MITF: variants seen among roughly 807,000 people sequenced by gnomAD.
MITF encodes melanocyte inducing transcription factor.
A neutral mutation model predicts 60.5 loss-of-function variants in MITF; 17 were observed. The observed-to-expected ratio is 0.28, with a 90% CI of 0.19 to 0.42. The LOEUF is 0.42. Ranked by LOEUF, MITF falls within the 10% of genes least tolerant of loss-of-function variation. MITF has a pLI of 1.00. For synonymous variants in MITF, 260 were observed against 248.5 expected (o/e 1.05, Z -0.43); for missense variants, 622 against 683.5 (o/e 0.91, Z 1.00).
At chr3:69,842,448 A>G (rs1207287549) in intron 1 of MITF, among the ~76,000 whole-genome samples, 1 of 152,236 alleles carries the variant, frequency 6.6e-6, no homozygotes, top group African/African-American at 2.4e-5. Context: ...AAGTGGCTTC[A>G]GAAGAGTTGC....
intron 6 of MITF, 49 bp from the exon 7 acceptor site, chr3:69,951,763 T>C (rs373251845): frequency 1.4e-6 from 2 of 1,389,754 alleles, no homozygotes; most frequent in African/African-American, 2.8e-5. Context: ...TTACATTTTG[T>C]GCAACTTCAA....
intron 2 of MITF, among the ~76,000 whole-genome samples, chr3:69,895,023 A>G (rs1037270878): frequency 1.3e-5 from 2 of 152,182 alleles, no homozygotes; most frequent in African/African-American, 2.4e-5. Flanking sequence ...TTCTGGGTGT[A>G]GGTCTCCCCA....
At chr3:69,884,481 T>G (rs756420916) in intron 2 of MITF, among the ~76,000 whole-genome samples, 2 of 152,158 alleles carry the variant, frequency 1.3e-5, no homozygotes, top group African/African-American at 2.4e-5. Flanking sequence ...CTTCCCTATG[T>G]GCAGTGAGGA....
chr3:69,899,519 G>A (rs898847732), intron 2 of MITF, among the ~76,000 whole-genome samples: 6 of 152,150 alleles, frequency 3.9e-5, no homozygotes, highest in South Asian at 2.1e-4. Context: ...CAGAGACAGC[G>A]TAAACCTGTT....
chr3:69,754,087 G>A (rs2106778386), intron 1 of MITF, among the ~76,000 whole-genome samples: 2 of 152,258 alleles, frequency 1.3e-5, no homozygotes, highest in South Asian at 4.1e-4. Flanking sequence ...TTGCAGGTGA[G>A]GCCTGATGGG....
chr3:69,868,116 A>T (rs974448694), intron 1 of MITF, among the ~76,000 whole-genome samples: 9 of 152,250 alleles, frequency 5.9e-5, no homozygotes, highest in African/African-American at 1.7e-4. Flanking sequence ...TGTTCAGCAG[A>T]TACCATTTCA....
chr3:69,809,626 AT>A (rs200221440), intron 1 of MITF, among the ~76,000 whole-genome samples: 22,909 of 139,314 alleles, frequency 0.16, 1,812 homozygotes, highest in South Asian at 0.23. Context: ...AACTAAGTAC[AT>A]TTTTTTTTTT....
At chr3:69,959,965 A>C (rs2066499867) in intron 9 of MITF, among the ~76,000 whole-genome samples, 1 of 152,222 alleles carries the variant, frequency 6.6e-6, no homozygotes. Context: ...ATGAGTCAAC[A>C]ACATATATTA....
At chr3:69,757,996 CATGTGTGTGTGT>C (rs1294713146) in intron 1 of MITF, among the ~76,000 whole-genome samples, 2 of 96,448 alleles carry the variant, frequency 2.1e-5, no homozygotes, top group African/African-American at 8.8e-5. Flanking sequence ...TACCCTAGGG[CATGTGTGTGTGT>C]GTGTGTGTGT....
At chr3:69,961,098 C>T (rs1287935455) in intron 9 of MITF, among the ~76,000 whole-genome samples, 2 of 152,152 alleles carry the variant, frequency 1.3e-5, no homozygotes, top group East Asian at 1.9e-4. Context: ...ATAAAAGCAG[C>T]TTGTGGGCCG....
At chr3:69,863,626 G>A (rs2064056953) in intron 1 of MITF, among the ~76,000 whole-genome samples, 3 of 152,214 alleles carry the variant, frequency 2.0e-5, no homozygotes, top group Admixed American at 2.0e-4. Context: ...ATAAATCAGA[G>A]TTTCAGTTCT....
chr3:69,959,229 C>G (rs753638474), intron 8 of MITF, 44 bp from the exon 9 acceptor site: 4 of 1,609,064 alleles, frequency 2.5e-6, no homozygotes, highest in Non-Finnish European at 3.4e-6. Flanking sequence ...TTTCATTGAG[C>G]CTCAAATCCT....
chr3:69,949,306 A>G (rs1011514242), intron 6 of MITF, 138 bp downstream of exon 6: 7 of 656,072 alleles, frequency 1.1e-5, no homozygotes, highest in Admixed American at 1.0e-4. Context: ...TGGTTAAAAC[A>G]TTATGCAATA....
At position 69,929,322 on chromosome 3, in the gene MITF, C is replaced by T. The variant is rs75322650; in HGVS notation, c.355-8500C>T. Reference sequence around the variant, plus strand: ...ATCAGGAGCACTGGTAGCATGTGGGCTGGATATGTGAATATGTCCTTAAGA... The same window carrying T: ...ATCAGGAGCACTGGTAGCATGTGGGTTGGATATGTGAATATGTCCTTAAGA... On this transcript the variant is annotated intron_variant, in intron 2 of 9. Transcript: ENST00000352241. Among the ~76,000 whole-genome samples the T allele has an allele frequency of 8.2e-3, 1,248 of 152,244 alleles. 11 individuals are homozygous for T. The highest frequency in any genetic ancestry group is 0.028 in the African/African-American group (1,170 of 41,558).
Position 69,898,184 on chromosome 3 carries a change from A to G in MITF, c.354+18801A>G, listed in dbSNP as rs370245487. Among the ~76,000 whole-genome samples, 7 of 152,352 alleles carry G rather than the reference A, an allele frequency of 4.6e-5. No individual in the cohort carries two copies. In the East Asian group the frequency reaches 7.7e-4, roughly 17 times the overall value. On this transcript the variant is annotated intron_variant, in intron 2 of 9. Transcript: ENST00000352241. ...AAGATGTGATGTAAAGAGTCCAAGAAGTCTTTCCCCTGTTCACCTGTCTTG... is the reference window on the plus strand; with the variant it reads ...AAGATGTGATGTAAAGAGTCCAAGAGGTCTTTCCCCTGTTCACCTGTCTTG...
rs751770123 is a variant in MITF, at chr3:69,956,498, A to G, written c.999A>G (p.Glu333=). 6.2e-7 allele frequency: 1 copy of G among 1,613,786 alleles called. No individual in the cohort carries two copies. The highest frequency in any genetic ancestry group is 8.5e-7 in the Non-Finnish European group (1 of 1,179,746). Residue 333 remains glutamate, a synonymous_variant, in exon 8 of 10, where the codon GAA becomes GAG. Coordinates refer to ENST00000352241, the MANE Select transcript of MITF (RefSeq NM_001354604.2). The part of the protein sequence containing the change: ...RRFNINDRIK[E]LGTLIPKSND... Reference sequence around the variant, plus strand: ...TTAACATAAATGACCGCATTAAAGAACTAGGTACTTTGATTCCCAAGTCAA... The same window carrying G: ...TTAACATAAATGACCGCATTAAAGAGCTAGGTACTTTGATTCCCAAGTCAA...
chr3:69,866,692 T>C (rs1341411322), intron 1 of MITF, among the ~76,000 whole-genome samples: 2 of 152,180 alleles, frequency 1.3e-5, no homozygotes, highest in Non-Finnish European at 2.9e-5. Context: ...GATTTATGAT[T>C]GCAAGATAGA....
chr3:69,861,231 A>C (rs2107212187), intron 1 of MITF, among the ~76,000 whole-genome samples: 1 of 152,254 alleles, frequency 6.6e-6, no homozygotes, highest in East Asian at 1.9e-4. Context: ...TCCTTATCTG[A>C]CCTTTTTTCA....
rs753012353 is a variant in MITF at position 69,797,751 on chromosome 3, G to T, written c.104+58050G>T. On this transcript the variant is annotated intron_variant, in intron 1 of 9. Coordinates refer to ENST00000352241, the MANE Select transcript of MITF (RefSeq NM_001354604.2). ...CAAAGTCATTTCTTCCACCCATGTT[G>T]GTGGAAATACCCAACATTTTTCATC... is the stretch of plus-strand genomic sequence containing the variant. Among the ~76,000 whole-genome samples the T allele has an allele frequency of 2.0e-5, 3 of 152,166 alleles. No individual in the cohort carries two copies. The East Asian group carries it at 5.8e-4, about 29-fold the overall frequency.
Sources: allele counts gnomAD v4.1 joint callset (sites outside exome capture counted in the v4.1 genomes callset), GRCh38; gene constraint gnomAD v4.1.1; transcripts MANE v1.5; gene names NCBI Gene and HGNC (gene_info 2026-07-23, HGNC 2026-07-21).